Variants in RANBP2 observed in about 807,000 individuals in gnomAD.
The protein encoded by RANBP2 is E3 SUMO-protein ligase RanBP2.
A neutral mutation model predicts 303.6 loss-of-function variants in RANBP2; 57 were observed. The ratio of observed to expected loss-of-function variants is 0.19; its 90% CI spans 0.15 to 0.23. The LOEUF is 0.23. Ranked by LOEUF, RANBP2 falls within the 10% of genes least tolerant of loss-of-function variation. The probability of loss-of-function intolerance (pLI) is 1.00; values close to 1 mark genes in which losing one functional copy is unlikely to be tolerated. For synonymous variants in RANBP2, 1,167 were observed against 1,301.5 expected (o/e 0.90, Z 2.23); for missense variants, 3,138 against 3,780.8 (o/e 0.83, Z 4.46).
At chr2:108,979,203 C>T in the RANBP2 span, among the ~76,000 whole-genome samples, 1 of 152,178 alleles carries the variant, frequency 6.6e-6, no homozygotes, top group South Asian at 2.1e-4. Context: ...AGGAACAGCT[C>T]TTTCTTGCTG....
chr2:108,730,502 T>C (rs1695081269), intron 2 of RANBP2, among the ~76,000 whole-genome samples: 2 of 152,166 alleles, frequency 1.3e-5, no homozygotes, highest in Non-Finnish European at 2.9e-5. Context: ...GCAATTTATA[T>C]GTTCATTTCT....
chr2:108,943,857 G>T, the RANBP2 span, among the ~76,000 whole-genome samples: 1 of 152,232 alleles, frequency 6.6e-6, no homozygotes, highest in African/African-American at 2.4e-5. Context: ...GCAGAGACTA[G>T]AATTCCTCTG....
chr2:109,490,721 G>C, the RANBP2 span: 1 of 1,535,264 alleles, frequency 6.5e-7, no homozygotes, highest in Non-Finnish European at 8.7e-7. Flanking sequence ...TGGACGCCCT[G>C]CTCCAAGGTG....
At chr2:109,737,421 C>T in the RANBP2 span, 594 of 655,948 alleles carry the variant, frequency 9.1e-4, 3 homozygotes, top group African/African-American at 4.4e-3. Flanking sequence ...TGGCAGCATC[C>T]ACGATTCCAT....
the RANBP2 span, among the ~76,000 whole-genome samples, chr2:109,604,410 GA>G: frequency 1.4e-5 from 2 of 138,178 alleles, no homozygotes; most frequent in African/African-American, 5.4e-5. Context: ...GGGGAGAAAA[GA>G]AAGAAAGAAA....
chr2:109,427,964 A>G, the RANBP2 span, among the ~76,000 whole-genome samples: 1 of 152,240 alleles, frequency 6.6e-6, no homozygotes, highest in East Asian at 1.9e-4. Flanking sequence ...CCCTGCCTGC[A>G]GCTCCTGGTC....
the RANBP2 span, among the ~76,000 whole-genome samples, chr2:109,415,121 C>T: frequency 7.0e-6 from 1 of 142,848 alleles, no homozygotes. Context: ...GGAACGTGGG[C>T]AGCCTCTAGA....
chr2:109,306,121 A>G, the RANBP2 span, among the ~76,000 whole-genome samples: 6 of 152,226 alleles, frequency 3.9e-5, no homozygotes, highest in African/African-American at 1.2e-4. Context: ...GTTTCATTCA[A>G]CATCAGCAGG....
the RANBP2 span, among the ~76,000 whole-genome samples, chr2:108,905,946 A>G: frequency 2.6e-5 from 4 of 152,138 alleles, no homozygotes; most frequent in Non-Finnish European, 4.4e-5. Context: ...TAAATGACTG[A>G]TCACGTTTCC....
the RANBP2 span, among the ~76,000 whole-genome samples, chr2:109,479,710 A>G: frequency 6.6e-6 from 1 of 152,184 alleles, no homozygotes; most frequent in Non-Finnish European, 1.5e-5. Flanking sequence ...CATTTTCTTA[A>G]TGTTAGAAAG....
At chr2:109,129,191 C>T in the RANBP2 span, 3 of 478,774 alleles carry the variant, frequency 6.3e-6, no homozygotes, top group African/African-American at 4.2e-5. Context: ...CAGGCGCGAG[C>T]CGCCGCTTGC....
At chr2:109,697,098 A>G in the RANBP2 span, among the ~76,000 whole-genome samples, 1 of 152,194 alleles carries the variant, frequency 6.6e-6, no homozygotes, top group South Asian at 2.1e-4. Context: ...ATTAAAAAAA[A>G]GTTTCTCTCA....
chr2:108,812,847 A>G, the RANBP2 span: 1 of 1,613,294 alleles, frequency 6.2e-7, no homozygotes, highest in Non-Finnish European at 8.5e-7. Flanking sequence ...GACAATACAG[A>G]GATTGAAAGG....
the RANBP2 span, among the ~76,000 whole-genome samples, chr2:109,474,612 G>C: frequency 7.9e-5 from 12 of 152,204 alleles, no homozygotes; most frequent in South Asian, 2.1e-4. Flanking sequence ...GTTTGGGCAG[G>C]GGGGGAGAAC....
the RANBP2 span, among the ~76,000 whole-genome samples, chr2:109,016,183 G>A: frequency 1.4e-4 from 22 of 152,218 alleles, no homozygotes; most frequent in African/African-American, 4.8e-4. Context: ...CCGGGTTCAC[G>A]CCATTCTCCT....
At chr2:109,686,899 G>A in the RANBP2 span, among the ~76,000 whole-genome samples, 1 of 152,182 alleles carries the variant, frequency 6.6e-6, no homozygotes, top group Non-Finnish European at 1.5e-5. Context: ...CACTGTGCCT[G>A]GTCAGTTTCA....
At chr2:109,298,530 C>T in the RANBP2 span, among the ~76,000 whole-genome samples, 1 of 152,092 alleles carries the variant, frequency 6.6e-6, no homozygotes, top group African/African-American at 2.4e-5. Flanking sequence ...GTGAGCCCCA[C>T]CCTGACCTTG....
the RANBP2 span, among the ~76,000 whole-genome samples, chr2:109,176,310 A>G: frequency 2.6e-5 from 4 of 152,368 alleles, no homozygotes; most frequent in South Asian, 2.1e-4. Context: ...AGGTTATTTC[A>G]TTGAGGGCTG....
chr2:109,644,915 C>T, the RANBP2 span, among the ~76,000 whole-genome samples: 1 of 152,226 alleles, frequency 6.6e-6, no homozygotes. Context: ...AATAACCACT[C>T]TGGTGAAGCT....
Sources: gnomAD v4.1 joint callset for allele counts (sites outside exome capture counted in the v4.1 genomes callset) on GRCh38, gnomAD v4.1.1 for gene constraint, MANE v1.5 for transcripts, NCBI Gene and HGNC (gene_info 2026-07-23, HGNC 2026-07-21) for gene names.